TENM2: variants seen among roughly 807,000 people sequenced by gnomAD.
TENM2 encodes teneurin-2.
In TENM2, 52 loss-of-function variants were observed where a neutral mutation model predicts 245.2. That is an observed-to-expected ratio of 0.21 (90% CI 0.17 to 0.27). The LOEUF (loss-of-function observed/expected upper bound fraction) is 0.27, where lower values mean the gene tolerates loss of function less well. Among genes scored for constraint, TENM2 ranks in the 10% least tolerant of loss-of-function variants. The pLI is 1.00. For missense variants in TENM2, 3,046 were observed against 3,666.8 expected (o/e 0.83, Z 4.37); for synonymous variants, 1,363 against 1,438.9 (o/e 0.95, Z 1.19).
At chr5:167,877,145 A>C (rs2151387842) in intron 3 of TENM2, among the ~76,000 whole-genome samples, 1 of 152,286 alleles carries the variant, frequency 6.6e-6, no homozygotes, top group Non-Finnish European at 1.5e-5. Context: ...TCATGAGGTT[A>C]ATTAGCATAT....
At chr5:167,081,425 G>T in the TENM2 span, among the ~76,000 whole-genome samples, 2 of 151,912 alleles carry the variant, frequency 1.3e-5, no homozygotes, top group East Asian at 3.9e-4. Flanking sequence ...AATATAAATG[G>T]TTTTTAAAAG....
chr5:167,007,745 A>G, the TENM2 span, among the ~76,000 whole-genome samples: 12 of 152,194 alleles, frequency 7.9e-5, no homozygotes, highest in African/African-American at 2.9e-4. The surrounding 1 kb of genome is among the most constrained non-coding windows in gnomAD (Gnocchi z 4.2). Context: ...GTATGTATCG[A>G]ATCCATTATT....
At chr5:167,478,441 T>C (rs1767539634) in intron 2 of TENM2, among the ~76,000 whole-genome samples, 1 of 152,232 alleles carries the variant, frequency 6.6e-6, no homozygotes, top group Admixed American at 6.5e-5. Flanking sequence ...GCATAGACTC[T>C]GGACTCTGCT....
At chr5:167,800,098 A>G (rs1253422446) in intron 2 of TENM2, among the ~76,000 whole-genome samples, 1 of 152,230 alleles carries the variant, frequency 6.6e-6, no homozygotes, top group African/African-American at 2.4e-5. Flanking sequence ...TATGAGGATA[A>G]CAAATCTGGC....
rs76305677 is a variant in TENM2, at chr5:167,600,642, C to T, written c.502+225169C>T. 8.4e-3 allele frequency among the ~76,000 whole-genome samples: 1,278 copies of T among 152,274 alleles called. 18 individuals carry two copies. Among genetic ancestry groups the T allele is most frequent in the African/African-American group, 0.029 (1,220 of 41,554 alleles). ...GGCAGACATAATGAAATGAAAACAA[C>T]TCTTTCTCTAGGGCCTCAGAGGCAT... is the stretch of plus-strand genomic sequence containing the variant. On this transcript the variant is annotated intron_variant, in intron 2 of 28. Transcript: ENST00000518659.
intron 2 of TENM2, among the ~76,000 whole-genome samples, chr5:167,636,851 G>A (rs1289302886): frequency 1.3e-5 from 2 of 152,118 alleles, no homozygotes; most frequent in South Asian, 2.1e-4. Flanking sequence ...AACTTCTAGA[G>A]CTATGTTTGA....
intron 2 of TENM2, among the ~76,000 whole-genome samples, chr5:167,798,299 T>A (rs553166165): frequency 6.6e-6 from 1 of 152,298 alleles, no homozygotes; most frequent in Non-Finnish European, 1.5e-5. Context: ...ATTTAAAGAT[T>A]CTAAGTGGGT....
chr5:168,119,189 G>A (rs1376579308), intron 10 of TENM2, among the ~76,000 whole-genome samples: 1 of 152,190 alleles, frequency 6.6e-6, no homozygotes, highest in East Asian at 1.9e-4. Flanking sequence ...CAAGAGGGAC[G>A]GGATTTGATG....
At chr5:167,976,236 T>C (rs1782435630) in intron 4 of TENM2, among the ~76,000 whole-genome samples, 1 of 152,142 alleles carries the variant, frequency 6.6e-6, no homozygotes, top group African/African-American at 2.4e-5. Context: ...GTTTTTTCAC[T>C]TCTTTCTGGG....
At chr5:167,872,686 C>T (rs536196338) in intron 2 of TENM2, among the ~76,000 whole-genome samples, 33 of 152,204 alleles carry the variant, frequency 2.2e-4, no homozygotes, top group South Asian at 6.2e-4. Flanking sequence ...ATGGGCTTAA[C>T]GTGGGCAGAA....
intron 2 of TENM2, among the ~76,000 whole-genome samples, chr5:167,473,347 A>G (rs1767157480): frequency 1.3e-5 from 2 of 152,162 alleles, no homozygotes; most frequent in Non-Finnish European, 2.9e-5. Flanking sequence ...ATGTGGAGAG[A>G]AATGAATCTG....
At chr5:168,041,395 A>G (rs1788169745) in intron 5 of TENM2, among the ~76,000 whole-genome samples, 1 of 152,118 alleles carries the variant, frequency 6.6e-6, no homozygotes. Flanking sequence ...AGCTCCTCAA[A>G]GGCAACTACT....
chr5:168,200,078 G>C, exon 17 of TENM2: 4 of 1,613,826 alleles, frequency 2.5e-6, no homozygotes, highest in Non-Finnish European at 3.4e-6. Context: ...ACCTTCATCT[G>C]GGACAAGACA....
chr5:167,833,071 C>A (rs542840003), intron 2 of TENM2, among the ~76,000 whole-genome samples: 3 of 151,998 alleles, frequency 2.0e-5, no homozygotes, highest in Non-Finnish European at 2.9e-5. Context: ...TAGAAGGATA[C>A]CCTTTTAGTA....
At chr5:167,739,217 A>G (rs1359895317) in intron 2 of TENM2, among the ~76,000 whole-genome samples, 1 of 151,878 alleles carries the variant, frequency 6.6e-6, no homozygotes, top group African/African-American at 2.4e-5. Context: ...TTAGTTCTGT[A>G]ATTTGGGAAT....
intron 7 of TENM2, among the ~76,000 whole-genome samples, chr5:168,068,255 T>C (rs1484385967): frequency 6.6e-6 from 1 of 152,074 alleles, no homozygotes; most frequent in African/African-American, 2.4e-5. Flanking sequence ...GGACAAGGCT[T>C]GAGTTCATGG....
the TENM2 span, among the ~76,000 whole-genome samples, chr5:167,278,767 A>G: frequency 1.3e-5 from 2 of 152,160 alleles, no homozygotes; most frequent in African/African-American, 2.4e-5. Flanking sequence ...ATACGTTTAG[A>G]ATCATATCCC....
chr5:168,218,902 T>A lies in TENM2; in HGVS notation c.5011T>A (p.Ser1671Thr). The A allele has an allele frequency of 6.2e-7, 1 of 1,613,954 alleles. No homozygotes were observed. Among genetic ancestry groups the A allele is most frequent in the South Asian group, 1.1e-5 (1 of 91,074 alleles). ...CACCAATGGAGGCCTCAAAGTCGTGTCCACACAGAACCTGGAGCTTGGTCT... is the reference window on the plus strand; with the variant it reads ...CACCAATGGAGGCCTCAAAGTCGTGACCACACAGAACCTGGAGCTTGGTCT... Residue 1671 changes from serine to threonine, a missense_variant, in exon 23 of 29, where the codon TCC becomes ACC. Physicochemically the swap from Ser to Thr is moderately conservative, Grantham distance 58. Transcript: ENST00000518659. This position sits in a 1 kb window ranked among gnomAD's most constrained non-coding sequence, Gnocchi z 5.2.
chr5:167,497,467 C>T (rs1768894306), intron 2 of TENM2, among the ~76,000 whole-genome samples: 1 of 152,090 alleles, frequency 6.6e-6, no homozygotes, highest in African/African-American at 2.4e-5. Flanking sequence ...ACTCGACATT[C>T]ACCCTGGTCA....
Sources: gnomAD v4.1 joint callset for allele counts (sites outside exome capture counted in the v4.1 genomes callset) on GRCh38, gnomAD v4.1.1 for gene constraint, Gnocchi (gnomAD v3.1) non-coding constraint, MANE v1.5 for transcripts, NCBI Gene and HGNC (gene_info 2026-07-23, HGNC 2026-07-21) for gene names.